The following CTDP1 variants were observed in gnomAD, a reference collection of about 807,000 sequenced individuals.
CTDP1 encodes the protein RNA polymerase II subunit A C-terminal domain phosphatase.
A neutral mutation model predicts 91.8 loss-of-function variants in CTDP1; 47 were observed. The observed-to-expected ratio is 0.51, with a 90% confidence interval of 0.41 to 0.65. The LOEUF is 0.65. Ranked by LOEUF, CTDP1 falls within the 30% of genes least tolerant of loss-of-function variation. The pLI, the probability that CTDP1 is intolerant of heterozygous loss-of-function variation, is 0.00. For missense variants in CTDP1, 1,272 were observed against 1,373.7 expected (o/e 0.93, Z 1.17); for synonymous variants, 656 against 598.5 (o/e 1.10, Z -1.40).
intron 10 of CTDP1, among the ~76,000 whole-genome samples, chr18:79,721,068 C>T (rs112120479): frequency 0.029 from 4,347 of 152,252 alleles, 217 homozygotes; most frequent in African/African-American, 0.099. Flanking sequence ...GGAAGCTCTC[C>T]GTCCTTTCAT....
Position 79,713,149 on chromosome 18 carries a change from T to A in CTDP1, c.1030+11T>A, listed in dbSNP as rs922996340. The A allele has an allele frequency of 6.2e-6, 10 of 1,612,852 alleles. No homozygotes were observed. Among genetic ancestry groups the A allele is most frequent in the Non-Finnish European group, 5.9e-6 (7 of 1,179,148 alleles). On this transcript the variant is annotated intron_variant, in intron 7 of 12. Coordinates refer to ENST00000613122, the MANE Select transcript of CTDP1 (RefSeq NM_004715.5). This position sits in a 1 kb window ranked among gnomAD's most constrained non-coding sequence, Gnocchi z 4.7. ...AGACGAGAAAGAAAGGTGGGTAACCTCCTTCCTGATTCTCTAGAAGAATTC... is the reference window on the plus strand; with the variant it reads ...AGACGAGAAAGAAAGGTGGGTAACCACCTTCCTGATTCTCTAGAAGAATTC...
intron 11 of CTDP1, among the ~76,000 whole-genome samples, chr18:79,732,716 G>C (rs2086590497): frequency 6.6e-6 from 1 of 151,276 alleles, no homozygotes; most frequent in African/African-American, 2.4e-5. Flanking sequence ...CTGACATCAG[G>C]AGTGCTCCCA....
chr18:79,743,753 C>T (rs2086827986), intron 12 of CTDP1, among the ~76,000 whole-genome samples: 2 of 152,172 alleles, frequency 1.3e-5, no homozygotes, highest in Non-Finnish European at 2.9e-5. Flanking sequence ...TGATTCTGAT[C>T]AAGCGAGATA....
chr18:79,710,461 C>T (rs780479793), intron 6 of CTDP1, 25 bp downstream of exon 6: 2 of 1,486,684 alleles, frequency 1.3e-6, no homozygotes, highest in South Asian at 1.1e-5. Context: ...GCGCTCCTCA[C>T]AAAGACCTCG....
intron 4 of CTDP1, among the ~76,000 whole-genome samples, chr18:79,699,864 G>A (rs563786360): frequency 5.9e-5 from 9 of 152,282 alleles, no homozygotes; most frequent in African/African-American, 1.7e-4. Flanking sequence ...GAAATTTCCC[G>A]TGTACTTCAG....
chr18:79,714,452 C>A, intron 7 of CTDP1, 39 bp from the exon 8 acceptor site: 2 of 1,603,858 alleles, frequency 1.2e-6, no homozygotes, highest in Non-Finnish European at 1.7e-6. Flanking sequence ...ATGTTTAATG[C>A]TAAATTGCGG....
chr18:79,699,559 G>A (rs991113078), intron 4 of CTDP1, among the ~76,000 whole-genome samples: 9 of 151,942 alleles, frequency 5.9e-5, no homozygotes, highest in South Asian at 2.1e-4. Flanking sequence ...CACCGCGCCC[G>A]CCCAAGGTTT....
At chr18:79,736,026 T>G (rs2086660205) in intron 11 of CTDP1, 2 of 318,476 alleles carry the variant, frequency 6.3e-6, no homozygotes, top group Admixed American at 8.4e-5. Context: ...TCTTGAAAAT[T>G]TCAAGCAAAT....
chr18:79,693,938 C>T (rs535828553), intron 1 of CTDP1, among the ~76,000 whole-genome samples: 63 of 152,318 alleles, frequency 4.1e-4, no homozygotes, highest in African/African-American at 1.5e-3. Flanking sequence ...TCCCAGTCTC[C>T]CAGCACAGCC....
rs746652553 is a variant in CTDP1, at chr18:79,715,422, G to A, written c.1962G>A (p.Thr654=). ...CGACAAACTTCCCGATAGAGAAGAC[G>A]CGGGAGCATTACCACGCCACGGCGC... ...LHPTNFPIEK[T]REHYHATALG... Residue 654 remains threonine (T), a synonymous_variant, in exon 8 of 13, where the codon ACG becomes ACA. Transcript: ENST00000613122. 12 of 1,599,856 alleles carry A rather than the reference G, an allele frequency of 7.5e-6. No individual in the cohort carries two copies. Among genetic ancestry groups the A allele is most frequent in the East Asian group, 4.5e-5 (2 of 44,216 alleles).
At chr18:79,743,526 C>CAAA (rs34957550) in intron 12 of CTDP1, among the ~76,000 whole-genome samples, 12,148 of 109,620 alleles carry the variant, frequency 0.11, 1,581 homozygotes, top group African/African-American at 0.28. Flanking sequence ...ACTCCGTCTC[C>CAAA]AAAAAAAAAA....
At chr18:79,723,800 G>T (rs952130072) in intron 10 of CTDP1, among the ~76,000 whole-genome samples, 5 of 152,088 alleles carry the variant, frequency 3.3e-5, no homozygotes, top group African/African-American at 1.2e-4. Flanking sequence ...CTGACCCTTG[G>T]CCCTCCACCT....
At chr18:79,747,243 G>A (rs926407478) in intron 12 of CTDP1, among the ~76,000 whole-genome samples, 7 of 152,114 alleles carry the variant, frequency 4.6e-5, no homozygotes, top group East Asian at 3.9e-4. Flanking sequence ...TGTGGTGAGC[G>A]CCCGGCCAGC....
In CTDP1 at chr18:79,753,473, T is replaced by C. The variant is rs914119003; in HGVS notation, c.2748-179T>C. Among the ~76,000 whole-genome samples, 6 of 152,248 alleles carry C rather than the reference T, an allele frequency of 3.9e-5. No individual in the cohort carries two copies. In the East Asian group the frequency reaches 1.2e-3, roughly 29 times the overall value. On this transcript the variant is annotated intron_variant, in intron 12 of 12. Transcript: ENST00000613122. ...GGGGCCTCTTCTCCTGCGCTGGGGC[T>C]CTGCTGTCCACACGTGTGTGACGTG...
intron 12 of CTDP1, among the ~76,000 whole-genome samples, chr18:79,738,615 A>G (rs2086714859): frequency 6.6e-6 from 1 of 152,248 alleles, no homozygotes; most frequent in East Asian, 1.9e-4. Flanking sequence ...GTAGGTGAAT[A>G]AACAGCATTT....
intron 10 of CTDP1, among the ~76,000 whole-genome samples, chr18:79,720,410 CGTCCTGGTGATGATGTCACCTCCCATCGT>C (rs2086317646): frequency 6.7e-6 from 1 of 149,634 alleles, no homozygotes. Context: ...ATTAGGAAGG[CGTCCTGGTGATGATGTCACCTCCCATCGT>C]GTCCTGGTGA....
Position 79,736,497 on chromosome 18 carries a change from G to A in CTDP1, c.2723G>A (p.Ser908Asn). The change falls in exon 12 of 13, where the codon AGC becomes AAC. Residue 908 changes from serine (S) to asparagine (N), a missense_variant. Physicochemically the swap from Ser to Asn is conservative, Grantham distance 46 (BLOSUM62 1). Coordinates refer to ENST00000613122, the MANE Select transcript of CTDP1 (RefSeq NM_004715.5). ...TLGAPASSER[S>N]AAGGRGPRGH... ...GGGGCACCTGCGTCCAGCGAGAGGA[G>A]CGCGGCAGGGGGCCGGGGGCCCAGG... 3 of 1,546,214 alleles carry A rather than the reference G, an allele frequency of 1.9e-6. No individual in the cohort carries two copies. Among genetic ancestry groups the A allele is most frequent in the East Asian group, 4.9e-5 (2 of 40,850 alleles).
intron 1 of CTDP1, among the ~76,000 whole-genome samples, chr18:79,690,268 CCT>C (rs2122431439): frequency 6.6e-6 from 1 of 152,262 alleles, no homozygotes; most frequent in African/African-American, 2.4e-5. Flanking sequence ...TCGGACCTCC[CCT>C]GAGAGAGCTG....
chr18:79,733,830 A>G (rs1050365629), intron 11 of CTDP1, among the ~76,000 whole-genome samples: 2 of 151,982 alleles, frequency 1.3e-5, no homozygotes, highest in African/African-American at 2.4e-5. Context: ...GAAACATTTC[A>G]TTTCCGTGCA....
Sources: gnomAD v4.1 joint callset for allele counts (sites outside exome capture counted in the v4.1 genomes callset) on GRCh38, gnomAD v4.1.1 for gene constraint, Gnocchi (gnomAD v3.1) non-coding constraint, MANE v1.5 for transcripts, NCBI Gene and HGNC (gene_info 2026-07-23, HGNC 2026-07-21) for gene names.